Variants in PDE8B observed in about 807,000 individuals in gnomAD.
The protein encoded by PDE8B is phosphodiesterase 8B, also known as high affinity cAMP-specific and IBMX-insensitive 3',5'-cyclic phosphodiesterase 8B.
Under a neutral mutation model 101.3 loss-of-function variants are expected in PDE8B, and 26 were observed. That is an observed-to-expected ratio of 0.26 (90% confidence interval 0.19 to 0.36). The LOEUF (loss-of-function observed/expected upper bound fraction) is 0.36. Among genes scored for constraint, PDE8B ranks in the 10% least tolerant of loss-of-function variants. The probability of loss-of-function intolerance (pLI) is 1.00; values close to 1 mark genes in which losing one functional copy is unlikely to be tolerated. For missense variants in PDE8B, 810 were observed against 1,163.1 expected (o/e 0.70, Z 4.42); for synonymous variants, 424 against 429.3 (o/e 0.99, Z 0.15).
intron 10 of PDE8B, among the ~76,000 whole-genome samples, chr5:77,374,909 G>A (rs1376855692): frequency 6.6e-6 from 1 of 152,112 alleles, no homozygotes; most frequent in Non-Finnish European, 1.5e-5. Context: ...GTCTCCCTCT[G>A]TAGCAGGTCA....
intron 2 of PDE8B, among the ~76,000 whole-genome samples, chr5:77,312,838 A>C (rs1370375895): frequency 6.6e-6 from 1 of 152,200 alleles, no homozygotes; most frequent in Non-Finnish European, 1.5e-5. Context: ...TATGTGACTT[A>C]AGCCAAGCAG....
chr5:77,345,752 G>A (rs1466005683), intron 7 of PDE8B, among the ~76,000 whole-genome samples: 6 of 152,168 alleles, frequency 3.9e-5, no homozygotes, highest in African/African-American at 1.4e-4. Context: ...GACTTTCCAC[G>A]AATTGGTGCT....
intron 10 of PDE8B, among the ~76,000 whole-genome samples, chr5:77,356,262 C>T (rs1297468237): frequency 6.6e-6 from 1 of 152,184 alleles, no homozygotes; most frequent in Admixed American, 6.5e-5. Context: ...ACACGAGAAC[C>T]TAGGTCCCCT....
At chr5:77,196,000 T>C in the PDE8B span, among the ~76,000 whole-genome samples, 1 of 152,188 alleles carries the variant, frequency 6.6e-6, no homozygotes, top group Non-Finnish European at 1.5e-5. Flanking sequence ...GAGTTTTGAA[T>C]TGTATTTCTC....
chr5:77,336,525 G>A (rs78731091), intron 5 of PDE8B, among the ~76,000 whole-genome samples: 6,182 of 152,066 alleles, frequency 0.041, 398 homozygotes, highest in African/African-American at 0.13. Context: ...TACATTTTTC[G>A]GGTTCATACA....
chr5:77,184,102 G>A, the PDE8B span, among the ~76,000 whole-genome samples: 190 of 152,176 alleles, frequency 1.2e-3, 5 homozygotes, highest in South Asian at 0.038. Context: ...GATTAGCTGG[G>A]ACTATAGGCG....
At chr5:77,117,610 C>T in the PDE8B span, among the ~76,000 whole-genome samples, 1 of 152,114 alleles carries the variant, frequency 6.6e-6, no homozygotes, top group Admixed American at 6.5e-5. Context: ...CCTGGGTCCA[C>T]CAGTTCCGGA....
chr5:77,251,393 A>T (rs1053130040), intron 1 of PDE8B, among the ~76,000 whole-genome samples: 2 of 152,260 alleles, frequency 1.3e-5, no homozygotes, highest in African/African-American at 4.8e-5. Flanking sequence ...TTGCCGCTTA[A>T]AGAGCAAGTC....
At chr5:77,281,597 C>T (rs1005487936) in intron 1 of PDE8B, among the ~76,000 whole-genome samples, 20 of 152,138 alleles carry the variant, frequency 1.3e-4, no homozygotes, top group African/African-American at 4.6e-4. Flanking sequence ...TCTTCTGTTG[C>T]CAAATCTCCA....
chr5:77,094,736 G>A, the PDE8B span, among the ~76,000 whole-genome samples: 7 of 152,278 alleles, frequency 4.6e-5, no homozygotes, highest in East Asian at 7.7e-4. Flanking sequence ...ACCTCAGGAA[G>A]CTTCCACTTA....
chr5:77,119,638 CAG>C, the PDE8B span: 2 of 124,260 alleles, frequency 1.6e-5, no homozygotes, highest in Non-Finnish European at 1.6e-5. Flanking sequence ...GCCTGGGTGA[CAG>C]AGCAAGACTC....
chr5:77,108,982 G>A, the PDE8B span, among the ~76,000 whole-genome samples: 1 of 152,300 alleles, frequency 6.6e-6, no homozygotes. Flanking sequence ...TCCAGCCCCA[G>A]GCAATTGTCA....
the PDE8B span, chr5:77,142,027 C>T: frequency 6.6e-6 from 1 of 152,040 alleles, no homozygotes; most frequent in Non-Finnish European, 1.5e-5. Flanking sequence ...ATAAAATGTG[C>T]ATGTCATTGA....
intron 1 of PDE8B, among the ~76,000 whole-genome samples, chr5:77,290,000 T>C (rs997262777): frequency 9.9e-5 from 15 of 152,182 alleles, no homozygotes; most frequent in African/African-American, 2.9e-4. Flanking sequence ...GTAAGGAGTT[T>C]CCAAAAGAAT....
At chr5:77,281,071 A>G (rs251417) in intron 1 of PDE8B, among the ~76,000 whole-genome samples, 121,543 of 152,214 alleles carry the variant, frequency 0.8, 49,333 homozygotes, top group African/African-American at 0.95. Flanking sequence ...TGTGGAATGC[A>G]TGCGCAAGCC....
the PDE8B span, among the ~76,000 whole-genome samples, chr5:77,137,119 T>C: frequency 1.3e-5 from 2 of 152,302 alleles, no homozygotes; most frequent in East Asian, 1.9e-4. Flanking sequence ...TTTGTCATCA[T>C]GTATTGTGAT....
At chr5:77,240,736 C>G (rs1262445590) in intron 1 of PDE8B, among the ~76,000 whole-genome samples, 5 of 152,142 alleles carry the variant, frequency 3.3e-5, no homozygotes, top group Admixed American at 3.3e-4. Context: ...CCATTTTATG[C>G]AATAAGTGTT....
chr5:77,387,368 T>C (rs1320761505), intron 10 of PDE8B, among the ~76,000 whole-genome samples: 1 of 152,216 alleles, frequency 6.6e-6, no homozygotes, highest in East Asian at 1.9e-4. Context: ...AAAATTCTTT[T>C]CTTTAAGAAT....
In PDE8B at chr5:77,312,068, C is replaced by T. The variant is rs1772763577; in HGVS notation, c.399+15C>T. ...ACCCTATTCAGGTACGCCTCCTTTA[C>T]TCAGCCCTGTGACTCAGATTATTTT... is the stretch of plus-strand genomic sequence containing the variant. On this transcript the variant is annotated intron_variant, in intron 2 of 21. Coordinates refer to ENST00000264917, the MANE Select transcript of PDE8B (RefSeq NM_003719.5). 1 of 1,559,196 alleles carries T rather than the reference C, an allele frequency of 6.4e-7. No homozygotes were observed. Among genetic ancestry groups the T allele is most frequent in the African/African-American group, 1.4e-5 (1 of 73,760 alleles).
Sources: allele counts gnomAD v4.1 joint callset (sites outside exome capture counted in the v4.1 genomes callset), GRCh38; gene constraint gnomAD v4.1.1; transcripts MANE v1.5; gene names NCBI Gene and HGNC (gene_info 2026-07-23, HGNC 2026-07-21).